Variants in CNRIP1 observed in about 807,000 individuals in gnomAD.
CNRIP1 encodes the protein cannabinoid receptor interacting protein 1.
Under a neutral mutation model 15.2 loss-of-function variants are expected in CNRIP1, and 10 were observed. The ratio of observed to expected loss-of-function variants is 0.66; its 90% CI spans 0.41 to 1.12. The LOEUF is 1.12. CNRIP1 is among the 50% of genes most tolerant of loss of function. The probability of loss-of-function intolerance (pLI) is 0.00; values close to 1 mark genes in which losing one functional copy is unlikely to be tolerated. For missense variants in CNRIP1, 211 were observed against 214.7 expected, an observed-to-expected ratio of 0.98 and a Z score of 0.11; for synonymous variants, 91 against 83.2, an observed-to-expected ratio of 1.09 and a Z score of -0.51.
chr2:68,308,468 TTTTC>T (rs1003145192), intron 2 of CNRIP1, among the ~76,000 whole-genome samples: 3 of 152,152 alleles, frequency 2.0e-5, no homozygotes, highest in East Asian at 1.9e-4. Context: ...AATTTCTTAT[TTTTC>T]TTTATGATTT....
intron 2 of CNRIP1, among the ~76,000 whole-genome samples, chr2:68,295,625 G>A (rs1420445008): frequency 1.3e-5 from 2 of 152,138 alleles, no homozygotes; most frequent in Non-Finnish European, 2.9e-5. Context: ...GACATGCTAA[G>A]CAAAATAATC....
At chr2:68,304,769 T>G (rs1017969073) in intron 2 of CNRIP1, among the ~76,000 whole-genome samples, 1 of 151,996 alleles carries the variant, frequency 6.6e-6, no homozygotes, top group African/African-American at 2.4e-5. Flanking sequence ...TACAGGCGTG[T>G]TTGTATCTTA....
chr2:68,307,808 A>G (rs185334959), intron 2 of CNRIP1, among the ~76,000 whole-genome samples: 9 of 152,322 alleles, frequency 5.9e-5, no homozygotes, highest in African/African-American at 1.9e-4. Context: ...ATGAATCTCT[A>G]TGGCTGTTCC....
chr2:68,296,319 C>G (rs904204260), intron 2 of CNRIP1, among the ~76,000 whole-genome samples: 1 of 152,084 alleles, frequency 6.6e-6, no homozygotes, highest in Non-Finnish European at 1.5e-5. Flanking sequence ...TTTGGAAGGC[C>G]AAGATGAGAG....
At chr2:68,285,005 T>G (rs2103870955) in intron 2 of CNRIP1, among the ~76,000 whole-genome samples, 1 of 152,254 alleles carries the variant, frequency 6.6e-6, no homozygotes, top group Admixed American at 6.5e-5. Context: ...TACACTGCAT[T>G]TCTGTCAAGC....
At position 68,318,086 on chromosome 2, in the gene CNRIP1, G is replaced by A. The variant is rs542797014; in HGVS notation, c.180-779C>T. Among the ~76,000 whole-genome samples, 324 of 151,906 alleles carry A rather than the reference G, an allele frequency of 2.1e-3. 1 individual carries two copies. The highest frequency in any genetic ancestry group is 7.4e-3 in the African/African-American group (305 of 41,412). ...TGGCAGGAAAGAAGGGAAAGGAAAA[G>A]CCTGGATTATATCCAGGTGCACAGA... On this transcript the variant is annotated intron_variant, in intron 1 of 2. Coordinates refer to ENST00000263655, the MANE Select transcript of CNRIP1 (RefSeq NM_015463.3).
At chr2:68,297,163 C>G (rs556639907) in intron 2 of CNRIP1, among the ~76,000 whole-genome samples, 2 of 152,144 alleles carry the variant, frequency 1.3e-5, no homozygotes, top group East Asian at 3.9e-4. Flanking sequence ...AAAGTATTAC[C>G]AAATAGTCAT....
chr2:68,294,320 T>C (rs10188855), intron 2 of CNRIP1, among the ~76,000 whole-genome samples: 2,271 of 152,356 alleles, frequency 0.015, 56 homozygotes, highest in African/African-American at 0.051. Context: ...AAGTTTATCT[T>C]GTTTTTCAAG....
At chr2:68,300,889 T>A (rs1460836980) in intron 2 of CNRIP1, among the ~76,000 whole-genome samples, 5 of 152,174 alleles carry the variant, frequency 3.3e-5, no homozygotes, top group African/African-American at 1.2e-4. Flanking sequence ...AGACACAAAC[T>A]ATGAGTTGAC....
chr2:68,292,585 T>A (rs1449705343), downstream of CNRIP1, among the ~76,000 whole-genome samples: 1 of 152,230 alleles, frequency 6.6e-6, no homozygotes, highest in Non-Finnish European at 1.5e-5. Context: ...AAGAGGAAGT[T>A]CACTTCCTTC....
chr2:68,302,159 C>A (rs866909933), intron 2 of CNRIP1, among the ~76,000 whole-genome samples: 6 of 152,194 alleles, frequency 3.9e-5, no homozygotes, highest in African/African-American at 1.2e-4. Flanking sequence ...CTATTTATAT[C>A]TTTTGCTTAA....
Position 68,319,520 on chromosome 2 carries a change from G to T in CNRIP1, c.-120C>A. 1 of 1,078,958 alleles carries T rather than the reference G, an allele frequency of 9.3e-7. No homozygotes were observed. 66.8% of individuals were successfully genotyped at this position (1,078,958 alleles called of 1,614,324 possible). On this transcript the variant is annotated 5_prime_UTR_variant, in exon 1 of 3. Coordinates refer to ENST00000263655, the MANE Select transcript of CNRIP1 (RefSeq NM_015463.3). ...CGGGGAGGGTGAGGGAGGTGGTGGAGCTGAGGCTGCCGCTAGGAACCCGCG... is the reference window on the plus strand; with the variant it reads ...CGGGGAGGGTGAGGGAGGTGGTGGATCTGAGGCTGCCGCTAGGAACCCGCG...
At chr2:68,296,680 A>G (rs1197460009) in intron 2 of CNRIP1, among the ~76,000 whole-genome samples, 1 of 151,946 alleles carries the variant, frequency 6.6e-6, no homozygotes, top group African/African-American at 2.4e-5. Flanking sequence ...TCTGTCGCCC[A>G]AGGTTGGAGT....
At position 68,317,236 on chromosome 2, in the gene CNRIP1, A is replaced by G. The variant is rs1378993514; in HGVS notation, c.251T>C (p.Val84Ala). 5.0e-6 allele frequency: 8 copies of G among 1,614,066 alleles called. No homozygotes were observed. The Admixed American group carries it at 6.7e-5, about 13-fold the overall frequency. Residue 84 changes from valine (V) to alanine (A), a missense_variant, in exon 2 of 3, where the codon GTT (valine) becomes GCT (alanine). Transcript: ENST00000263655. Reference protein sequence around the residue: ...KSKEPDGDRVVYTGTYDTEGV... With the variant: ...KSKEPDGDRVAYTGTYDTEGV... The stretch of plus-strand genomic sequence containing the variant: ...TTCTGTGTCATATGTACCCGTATAA[A>G]CAACTCTGTCCCCATCAGGCTCTTT...
intron 2 of CNRIP1, among the ~76,000 whole-genome samples, chr2:68,306,226 T>C (rs1671840382): frequency 6.9e-6 from 1 of 144,150 alleles, no homozygotes; most frequent in Non-Finnish European, 1.5e-5. Flanking sequence ...CGCTTGAGTC[T>C]GGGAGGTCAA....
chr2:68,312,841 A>T (rs1262715422), intron 2 of CNRIP1, among the ~76,000 whole-genome samples: 1 of 152,182 alleles, frequency 6.6e-6, no homozygotes, highest in Non-Finnish European at 1.5e-5. Flanking sequence ...ATGAAATAAT[A>T]AATTTAACAA....
At chr2:68,289,731 T>C (rs1420956538), downstream of CNRIP1, among the ~76,000 whole-genome samples, 3 of 152,202 alleles carry the variant, frequency 2.0e-5, no homozygotes, top group East Asian at 3.9e-4. Flanking sequence ...GCCACCTGCA[T>C]TGGCCCCCCA....
chr2:68,290,417 T>C (rs113437182), downstream of CNRIP1, among the ~76,000 whole-genome samples: 7,431 of 152,264 alleles, frequency 0.049, 199 homozygotes, highest in Admixed American at 0.088. Flanking sequence ...TCATTAGGCT[T>C]ATCAATTTTT....
intron 2 of CNRIP1, among the ~76,000 whole-genome samples, chr2:68,305,270 ATATATGTGTGTGTG>A (rs1429481995): frequency 2.0e-5 from 2 of 98,596 alleles, no homozygotes; most frequent in African/African-American, 3.7e-5. Context: ...ATATATATAT[ATATATGTGTGTGTG>A]TGTGTGTGTG....
Sources: gnomAD v4.1 joint callset for allele counts (sites outside exome capture counted in the v4.1 genomes callset) on GRCh38, gnomAD v4.1.1 for gene constraint, MANE v1.5 for transcripts, NCBI Gene and HGNC (gene_info 2026-07-23, HGNC 2026-07-21) for gene names.